The following EVC2 variants were observed in gnomAD, a reference collection of about 807,000 sequenced individuals.
EVC2 encodes limbin.
A neutral mutation model predicts 149.3 loss-of-function variants in EVC2; 148 were observed. The observed-to-expected ratio is 0.99, with a 90% confidence interval of 0.87 to 1.14. EVC2 has a LOEUF of 1.14. Among genes scored for constraint, EVC2 ranks in the 50% most tolerant of loss-of-function variants. EVC2 has a pLI of 0.00. For missense variants in EVC2, 1,854 were observed against 1,627.3 expected (o/e 1.14, Z -2.40); for synonymous variants, 776 against 649.9 (o/e 1.19, Z -2.95).
Position 5,696,169 on chromosome 4 carries a change from C to T in EVC2, c.283+1424G>A, listed in dbSNP as rs1721467015. Among the ~76,000 whole-genome samples, 1 of 152,190 alleles carries T rather than the reference C, an allele frequency of 6.6e-6. No homozygotes were observed. Among genetic ancestry groups the T allele is most frequent in the Non-Finnish European group, 1.5e-5 (1 of 68,034 alleles). On this transcript the variant is annotated intron_variant, in intron 2 of 21. Coordinates refer to ENST00000344408, the MANE Select transcript of EVC2 (RefSeq NM_147127.5). This position sits in a 1 kb window ranked among gnomAD's most constrained non-coding sequence, Gnocchi z 4.1. ...CCCAGCACAGCACCCTGGGCCAGGG[C>T]ACAAATGCTTGTGCAGCAAGCAACC...
intron 9 of EVC2, among the ~76,000 whole-genome samples, chr4:5,660,160 A>T (rs1483341857): frequency 1.3e-5 from 2 of 152,206 alleles, no homozygotes; most frequent in African/African-American, 4.8e-5. Context: ...GAAGAATGGC[A>T]TCTGGATGGC....
At chr4:5,615,299 G>T in intron 16 of EVC2, 123 bp downstream of exon 16, 1 of 1,497,166 alleles carries the variant, frequency 6.7e-7, no homozygotes, top group South Asian at 1.2e-5. Flanking sequence ...CTGAGTGAGT[G>T]AGCGGTTGGG....
Position 5,584,818 on chromosome 4 carries a change from C to A in EVC2, c.2862G>T (p.Gln954His). The change falls in exon 17 of 22, where the codon CAG (glutamine) becomes CAT (histidine). Residue 954 changes from glutamine to histidine, a missense_variant. By Grantham distance (24) the Gln-to-His change is conservative. Transcript: ENST00000344408. ...VRGELLRERVQRMEAQEGGFA... is the reference protein window; with the variant it reads ...VRGELLRERVHRMEAQEGGFA... ...AGCCTCCCTCCTGTGCCTCCATCCG[C>A]TGCACTCTCTCCCGCAGCAATTCAC... The A allele has an allele frequency of 6.2e-7, 1 of 1,614,200 alleles. No individual in the cohort carries two copies. The highest frequency in any genetic ancestry group is 8.5e-7 in the Non-Finnish European group (1 of 1,180,034).
chr4:5,694,770 T>C (rs1486812047), intron 2 of EVC2, among the ~76,000 whole-genome samples: 1 of 152,196 alleles, frequency 6.6e-6, no homozygotes, highest in African/African-American at 2.4e-5. Context: ...TCAGAACTGC[T>C]GGGCAAGAAT....
At chr4:5,641,862 G>T (rs1342167898) in intron 9 of EVC2, among the ~76,000 whole-genome samples, 1 of 152,146 alleles carries the variant, frequency 6.6e-6, no homozygotes, top group Non-Finnish European at 1.5e-5. Context: ...CATGGTGGTT[G>T]CTGCACCTAT....
At position 5,562,798 on chromosome 4, in the gene EVC2, GAAAAT is replaced by G; in HGVS notation, c.*45_*49del. On this transcript the variant is annotated 3_prime_UTR_variant, in exon 22 of 22. Transcript: ENST00000344408. The surrounding 1 kb of genome is among the most constrained non-coding windows in gnomAD (Gnocchi z 4.3). The stretch of plus-strand genomic sequence containing the variant: ...AACACACAAACACCGGCGGGCAGGA[GAAAAT>G]CATCCCTTCTCTCTTCAGATGCTCC... 6.2e-7 allele frequency: 1 copy of G among 1,610,566 alleles called. No homozygotes were observed. The highest frequency in any genetic ancestry group is 8.5e-7 in the Non-Finnish European group (1 of 1,180,020).
At chr4:5,600,314 T>C (rs2108809717) in intron 16 of EVC2, among the ~76,000 whole-genome samples, 1 of 152,322 alleles carries the variant, frequency 6.6e-6, no homozygotes, top group East Asian at 1.9e-4. Context: ...TAGGATTAAA[T>C]CCTATTTCAC....
chr4:5,674,777 A>G (rs1191465480), intron 7 of EVC2, among the ~76,000 whole-genome samples: 1 of 152,200 alleles, frequency 6.6e-6, no homozygotes. Context: ...CCTCAAGAAT[A>G]GAAAGCATTC....
At position 5,694,351 on chromosome 4, in the gene EVC2, G is replaced by C. The variant is rs369955469; in HGVS notation, c.434C>G (p.Pro145Arg). 1.3e-5 allele frequency: 21 copies of C among 1,613,942 alleles called. No individual in the cohort carries two copies. The Admixed American group carries it at 3.2e-4, about 24-fold the overall frequency. ...PKKNLFKRES[P>R]ITHRLYGDIS... is the part of the protein sequence containing the mutation. ...AATACTTACCAGGCGGTGTGTTATA[G>C]GAGACTCTCTTTTAAATAAGTTCTT... The change falls in exon 3 of 22, where the codon CCT becomes CGT. Residue 145 changes from proline to arginine, a missense_variant. Pro to Arg is a moderately radical substitution (Grantham distance 103). Transcript: ENST00000344408.
rs968414498 is a variant in EVC2 at position 5,618,052 on chromosome 4, T to C, written c.2706+426A>G. Among the ~76,000 whole-genome samples the C allele has an allele frequency of 1.3e-5, 2 of 152,188 alleles. No homozygotes were observed. Among genetic ancestry groups the C allele is most frequent in the African/African-American group, 4.8e-5 (2 of 41,440 alleles). On this transcript the variant is annotated intron_variant, in intron 15 of 21. Coordinates refer to ENST00000344408, the MANE Select transcript of EVC2 (RefSeq NM_147127.5). The surrounding 1 kb of genome is among the most constrained non-coding windows in gnomAD (Gnocchi z 4.4). The stretch of plus-strand genomic sequence containing the variant: ...AAGACCCTGTGCAAGAGCCCCTCTT[T>C]CCCTGACCCACCTGAGTTGAGATGA...
At chr4:5,535,625 G>GAGAGAGAGAGAGAGAGAGAGAGAGAT in the EVC2 span, among the ~76,000 whole-genome samples, 66 of 150,540 alleles carry the variant, frequency 4.4e-4, no homozygotes, top group African/African-American at 1.5e-3. This position sits in a 1 kb window ranked among gnomAD's most constrained non-coding sequence, Gnocchi z 4.7. Flanking sequence ...GAGAGAGAGA[G>GAGAGAGAGAGAGAGAGAGAGAGAGAT]AGAGAGAGAA....
At chr4:5,620,348 C>T (rs573303481) in intron 14 of EVC2, among the ~76,000 whole-genome samples, 1 of 152,250 alleles carries the variant, frequency 6.6e-6, no homozygotes, top group East Asian at 1.9e-4. Flanking sequence ...TCCTCTGTTA[C>T]GTAAGTGCCA....
intron 16 of EVC2, among the ~76,000 whole-genome samples, chr4:5,587,700 C>A (rs888837632): frequency 1.3e-5 from 2 of 152,164 alleles, no homozygotes; most frequent in East Asian, 3.9e-4. Context: ...GTGAGCAATT[C>A]CTGTCCCTTT....
At chr4:5,658,051 C>T (rs1326508724) in intron 9 of EVC2, among the ~76,000 whole-genome samples, 4 of 152,206 alleles carry the variant, frequency 2.6e-5, no homozygotes, top group Non-Finnish European at 5.9e-5. Flanking sequence ...CTTGCCCCTT[C>T]ATAGCTCTGA....
intron 16 of EVC2, among the ~76,000 whole-genome samples, chr4:5,593,629 C>T (rs544237024): frequency 6.6e-6 from 1 of 152,326 alleles, no homozygotes; most frequent in Admixed American, 6.5e-5. Flanking sequence ...TCTACAGCTC[C>T]CAGCGTGAGC....
At chr4:5,693,715 G>C (rs1577263001) in intron 3 of EVC2, among the ~76,000 whole-genome samples, 1 of 152,150 alleles carries the variant, frequency 6.6e-6, no homozygotes, top group Non-Finnish European at 1.5e-5. Flanking sequence ...AAGGGCTCTT[G>C]GCCATCGTAG....
intron 6 of EVC2, among the ~76,000 whole-genome samples, chr4:5,682,615 T>G (rs1026426101): frequency 3.3e-5 from 5 of 151,704 alleles, no homozygotes; most frequent in Non-Finnish European, 7.4e-5. Flanking sequence ...TCTCAGCACT[T>G]TGGGAGGCCG....
rs561957387 is a variant in EVC2 at position 5,548,653 on chromosome 4, T to A, written c.3420-5441A>T. On this transcript the variant is annotated intron_variant and NMD_transcript_variant, in intron 21 of 22. Transcript: ENST00000475313. Reference sequence around the variant, plus strand: ...TGTGGTTGATTATTGTTATGTGAAATGGATTTTAGATACCCCTAAGCCAGA... The same window carrying A: ...TGTGGTTGATTATTGTTATGTGAAAAGGATTTTAGATACCCCTAAGCCAGA... Among the ~76,000 whole-genome samples the A allele has an allele frequency of 2.6e-5, 4 of 152,242 alleles. No homozygotes were observed. The East Asian group carries it at 7.7e-4, about 29-fold the overall frequency.
At chr4:5,651,697 T>G (rs1718159174) in intron 9 of EVC2, among the ~76,000 whole-genome samples, 1 of 152,226 alleles carries the variant, frequency 6.6e-6, no homozygotes, top group Non-Finnish European at 1.5e-5. Flanking sequence ...GTAAGTCACC[T>G]TTCCAACCAA....
Sources: allele counts gnomAD v4.1 joint callset (sites outside exome capture counted in the v4.1 genomes callset), GRCh38; gene constraint gnomAD v4.1.1; non-coding constraint Gnocchi (gnomAD v3.1); transcripts MANE v1.5; gene names NCBI Gene and HGNC (gene_info 2026-07-23, HGNC 2026-07-21).